UBE3D: variants seen among roughly 807,000 people sequenced by gnomAD.
UBE3D encodes E3 ubiquitin-protein ligase E3D.
UBE3D carries 48 observed loss-of-function variants against 49.6 expected under a neutral mutation model. The observed-to-expected ratio is 0.97, with a 90% CI of 0.77 to 1.23. UBE3D has a LOEUF of 1.23. Among genes scored for constraint, UBE3D ranks in the 50% most tolerant of loss-of-function variants. UBE3D has a pLI of 0.00. For missense variants in UBE3D, 452 were observed against 468.4 expected, an observed-to-expected ratio of 0.96 and a Z score of 0.32; for synonymous variants, 189 against 174.2, an observed-to-expected ratio of 1.08 and a Z score of -0.67.
chr6:82,899,697 A>G (rs1190322731), intron 9 of UBE3D, among the ~76,000 whole-genome samples: 1 of 152,188 alleles, frequency 6.6e-6, no homozygotes, highest in Admixed American at 6.5e-5. Flanking sequence ...CTATTCTTCA[A>G]CAAAGCAAGT....
chr6:82,929,193 T>C (rs945723374), intron 9 of UBE3D, among the ~76,000 whole-genome samples: 7 of 152,122 alleles, frequency 4.6e-5, no homozygotes, highest in African/African-American at 1.7e-4. Context: ...TTCTTATTCA[T>C]AGGAGTGGCT....
At chr6:82,940,674 C>T (rs77251214) in intron 9 of UBE3D, among the ~76,000 whole-genome samples, 3,287 of 152,232 alleles carry the variant, frequency 0.022, 56 homozygotes, top group Non-Finnish European at 0.032. Flanking sequence ...ATCACTCACA[C>T]CCTTCTTCCC....
intron 3 of UBE3D, among the ~76,000 whole-genome samples, chr6:83,047,688 C>T (rs914732564): frequency 6.6e-6 from 1 of 152,106 alleles, no homozygotes; most frequent in Non-Finnish European, 1.5e-5. Flanking sequence ...TTGGTGGCCA[C>T]TAAACACACC....
At chr6:82,887,389 G>GTTTTGTTTTGT in the UBE3D span, among the ~76,000 whole-genome samples, 1 of 98,368 alleles carries the variant, frequency 1.0e-5, no homozygotes, top group Admixed American at 1.1e-4. Context: ...GACAGTAACA[G>GTTTTGTTTTGT]TTTTTTTTTT....
chr6:82,979,137 T>G (rs1247615988), intron 8 of UBE3D, among the ~76,000 whole-genome samples: 1 of 151,862 alleles, frequency 6.6e-6, no homozygotes. Flanking sequence ...CTAGAGAGGG[T>G]TTTTTAAAAG....
At chr6:83,020,292 C>T (rs1780992966) in intron 7 of UBE3D, among the ~76,000 whole-genome samples, 1 of 150,454 alleles carries the variant, frequency 6.6e-6, no homozygotes. Context: ...CCTCATGATA[C>T]ATACTGTGAA....
intron 3 of UBE3D, among the ~76,000 whole-genome samples, chr6:83,049,316 G>C (rs1041177240): frequency 8.4e-6 from 1 of 118,984 alleles, no homozygotes; most frequent in African/African-American, 2.8e-5. Flanking sequence ...ACTATCTAAA[G>C]CTCAAAATAT....
At chr6:82,923,288 A>G (rs1195793277) in intron 9 of UBE3D, among the ~76,000 whole-genome samples, 3 of 152,262 alleles carry the variant, frequency 2.0e-5, no homozygotes, top group Non-Finnish European at 4.4e-5. Flanking sequence ...TATTCACAAT[A>G]GCAAAGACTT....
intron 4 of UBE3D, 27 bp from the exon 5 acceptor site, chr6:83,038,512 AT>A: frequency 1.3e-6 from 2 of 1,576,498 alleles, no homozygotes; most frequent in Non-Finnish European, 1.7e-6. Flanking sequence ...TGTCATTTAA[AT>A]GTCATTCAGC....
intron 9 of UBE3D, among the ~76,000 whole-genome samples, chr6:82,896,699 T>G (rs1196522820): frequency 1.3e-5 from 2 of 152,184 alleles, no homozygotes; most frequent in African/African-American, 4.8e-5. Context: ...TTATAATAAC[T>G]GATTTCTCAA....
At chr6:83,057,183 C>T (rs1240872544) in intron 2 of UBE3D, among the ~76,000 whole-genome samples, 1 of 152,156 alleles carries the variant, frequency 6.6e-6, no homozygotes, top group African/African-American at 2.4e-5. Context: ...ATAGGATTTC[C>T]TTATTCAGGA....
intron 9 of UBE3D, among the ~76,000 whole-genome samples, chr6:82,946,553 G>GACATCATC (rs1412818367): frequency 1.3e-5 from 2 of 152,062 alleles, no homozygotes; most frequent in Non-Finnish European, 2.9e-5. Context: ...TGAGCAATAA[G>GACATCATC]ACATCATCTG....
intron 9 of UBE3D, among the ~76,000 whole-genome samples, chr6:82,940,468 G>A (rs1774927760): frequency 6.6e-6 from 1 of 152,198 alleles, no homozygotes. Flanking sequence ...TGAGGACAAA[G>A]GCATTAGCAG....
Position 83,044,448 on chromosome 6 carries a change from A to G in UBE3D, c.577T>C (p.Ser193Pro). 6.2e-7 allele frequency: 1 copy of G among 1,614,130 alleles called. No homozygotes were observed. Among genetic ancestry groups the G allele is most frequent in the African/African-American group, 1.3e-5 (1 of 75,062 alleles). The part of the protein sequence containing the change: ...LSPVEMCCVS[S>P]DNHCKLEPKA... ...TTTACCAATTTACAATGGTTGTCAGAAGAAACACAGCACATCTCCACTGGG... is the reference window on the plus strand; with the variant it reads ...TTTACCAATTTACAATGGTTGTCAGGAGAAACACAGCACATCTCCACTGGG... The change falls in exon 4 of 10, where the codon TCT becomes CCT. Residue 193 changes from serine to proline, a missense_variant. Ser to Pro is a moderately conservative substitution (Grantham distance 74). Coordinates refer to ENST00000369747, the MANE Select transcript of UBE3D (RefSeq NM_198920.3).
chr6:83,022,605 A>G, intron 6 of UBE3D, 44 bp from the exon 7 acceptor site: 1 of 1,432,276 alleles, frequency 7.0e-7, no homozygotes. Context: ...ATCTCATAAT[A>G]ACTCTAACTG....
intron 9 of UBE3D, among the ~76,000 whole-genome samples, chr6:82,900,803 T>C (rs1404485047): frequency 6.6e-6 from 1 of 152,174 alleles, no homozygotes. Context: ...ACACATTTTT[T>C]AAGAGAAAGG....
Position 82,906,890 on chromosome 6 carries a change from G to A in UBE3D, c.1150-13848C>T, listed in dbSNP as rs191865332. Among the ~76,000 whole-genome samples the A allele has an allele frequency of 7.8e-4, 118 of 152,198 alleles. 1 individual carries two copies. The highest frequency in any genetic ancestry group is 2.6e-3 in the African/African-American group (109 of 41,524). ...CTGTCTTAAAACCATCTTAACAATC[G>A]AGTCATTTTATCGGACAAACTAAAA... On this transcript the variant is annotated intron_variant, in intron 9 of 9. Coordinates refer to ENST00000369747, the MANE Select transcript of UBE3D (RefSeq NM_198920.3).
rs1781172321 is a variant in UBE3D at position 83,022,498 on chromosome 6, A to C, written c.801T>G (p.Thr267=). Residue 267 remains threonine, a synonymous_variant, in exon 7 of 10, where the codon ACT becomes ACG. Transcript: ENST00000369747. Reference sequence around the variant, plus strand: ...CCTGACCTTGAATCGTGAATCTAAAAGTGCTTCTAGCAGAGGAGAGCTGCA... The same window carrying C: ...CCTGACCTTGAATCGTGAATCTAAACGTGCTTCTAGCAGAGGAGAGCTGCA... ...CLVQLSSARS[T]FRFTIQGQDD... is the part of the protein sequence containing the mutation. 1 of 1,606,738 alleles carries C rather than the reference A, an allele frequency of 6.2e-7. No individual in the cohort carries two copies. The highest frequency in any genetic ancestry group is 1.3e-5 in the African/African-American group (1 of 74,290).
At position 83,031,857 on chromosome 6, in the gene UBE3D, C is replaced by T. The variant is rs150590182; in HGVS notation, c.667+6559G>A. Among the ~76,000 whole-genome samples the T allele has an allele frequency of 2.1e-3, 319 of 152,278 alleles. 4 individuals are homozygous for T. The highest frequency in any genetic ancestry group is 0.016 in the South Asian group (75 of 4,830). On this transcript the variant is annotated intron_variant, in intron 5 of 9. Coordinates refer to ENST00000369747, the MANE Select transcript of UBE3D (RefSeq NM_198920.3). ...AGGGGCCAAGGTACAGCTCGGGCCC[C>T]GGCTTCAGAGGGTACAAGCCTCAAA...
Sources: gnomAD v4.1 joint callset for allele counts (sites outside exome capture counted in the v4.1 genomes callset) on GRCh38, gnomAD v4.1.1 for gene constraint, MANE v1.5 for transcripts, NCBI Gene and HGNC (gene_info 2026-07-23, HGNC 2026-07-21) for gene names.